The following MARCHF1 variants were observed in gnomAD, a reference collection of about 807,000 sequenced individuals.
The protein encoded by MARCHF1 is membrane associated ring-CH-type finger 1, also known as E3 ubiquitin-protein ligase MARCHF1.
In MARCHF1, 40 loss-of-function variants were observed where a neutral mutation model predicts 54.2. That is an observed-to-expected ratio of 0.74 (90% CI 0.57 to 0.96). MARCHF1 has a LOEUF of 0.96. Ranked by LOEUF, MARCHF1 falls within the 40% of genes least tolerant of loss-of-function variation. The pLI, the probability that MARCHF1 is intolerant of heterozygous loss-of-function variation, is 0.00. For missense variants in MARCHF1, 586 were observed against 656.5 expected, an observed-to-expected ratio of 0.89 and a Z score of 1.17; for synonymous variants, 236 against 236.3, an observed-to-expected ratio of 1.00 and a Z score of 0.01.
Position 163,721,993 on chromosome 4 carries a change from T to C in MARCHF1, c.112-21130A>G, listed in dbSNP as rs142016730. ...TTCAAAAAACCAGTTCCTGGATTCA[T>C]TGATTTTTTGAAGGTGTTTTTGTGT... On this transcript the variant is annotated intron_variant, in intron 4 of 9. Transcript: ENST00000514618. 7.6e-3 allele frequency among the ~76,000 whole-genome samples: 1,154 copies of C among 152,236 alleles called. 8 individuals are homozygous for C. The highest frequency in any genetic ancestry group is 0.022 in the South Asian group (104 of 4,830).
At chr4:163,892,510 T>C (rs1750682211) in intron 3 of MARCHF1, among the ~76,000 whole-genome samples, 1 of 151,420 alleles carries the variant, frequency 6.6e-6, no homozygotes, top group South Asian at 2.1e-4. Flanking sequence ...AGGTACTCAA[T>C]ACTCTGTCAC....
chr4:164,203,618 A>AAAAAC (rs1181673180), intron 1 of MARCHF1, among the ~76,000 whole-genome samples: 2 of 152,184 alleles, frequency 1.3e-5, no homozygotes, highest in African/African-American at 4.8e-5. Flanking sequence ...CCTGTGCCAA[A>AAAAAC]AAAACAAAAC....
At chr4:163,585,718 C>A in intron 8 of MARCHF1, 31 bp downstream of exon 8, 1 of 1,482,024 alleles carries the variant, frequency 6.7e-7, no homozygotes, top group Non-Finnish European at 9.0e-7. Context: ...GCAAATGGTC[C>A]CTCCCAAACC....
Position 164,076,570 on chromosome 4 carries a change from C to T in MARCHF1, c.-248+35018G>A, listed in dbSNP as rs550996116. On this transcript the variant is annotated intron_variant, in intron 2 of 9. Transcript: ENST00000514618. ...TCAGGCAAGAAAAATAAATAAAGGG[C>T]ATTCAAACAGGAAGAGAGGAAGTCA... 1.7e-3 allele frequency among the ~76,000 whole-genome samples: 257 copies of T among 152,218 alleles called. 1 individual carries two copies. The highest frequency in any genetic ancestry group is 2.5e-3 in the Non-Finnish European group (167 of 68,006).
chr4:163,603,324 T>A (rs201406130), intron 7 of MARCHF1, among the ~76,000 whole-genome samples: 1 of 71,778 alleles, frequency 1.4e-5, no homozygotes, highest in Non-Finnish European at 3.8e-5. Context: ...AATCTAAATG[T>A]TTTATGATAC....
At chr4:164,143,252 G>A (rs1756596961) in intron 1 of MARCHF1, among the ~76,000 whole-genome samples, 1 of 151,462 alleles carries the variant, frequency 6.6e-6, no homozygotes, top group Non-Finnish European at 1.5e-5. Flanking sequence ...CACTCTGCAG[G>A]ATATTATCCA....
chr4:163,612,311 C>G lies in MARCHF1; in HGVS notation c.970G>C (p.Ala324Pro), dbSNP rs748689710. ...QVNNPVQKPP[A>P]TYDDGSDNLE... ...TTATCAGACCCATCGTCATAGGTGG[C>G]AGGAGGCTTCTGAACAGGGTTATTC... Residue 324 changes from alanine to proline, a missense_variant, in exon 7 of 10, where the codon GCC becomes CCC. By Grantham distance (27) the Ala-to-Pro change is conservative. Transcript: ENST00000514618. The G allele has an allele frequency of 6.6e-7, 1 of 1,523,640 alleles. No individual in the cohort carries two copies. The highest frequency in any genetic ancestry group is 8.7e-7 in the Non-Finnish European group (1 of 1,143,002). The allele number at this position is 1,523,640 out of a possible 1,614,324, so 94.4% of individuals were successfully genotyped here.
intron 4 of MARCHF1, among the ~76,000 whole-genome samples, chr4:163,808,090 T>C (rs1748275612): frequency 6.6e-6 from 1 of 152,226 alleles, no homozygotes; most frequent in Admixed American, 6.5e-5. Context: ...ACACAATATT[T>C]TGAGAGAAAA....
intron 1 of MARCHF1, among the ~76,000 whole-genome samples, chr4:164,164,473 TAA>T (rs1026702306): frequency 2.6e-5 from 4 of 151,884 alleles, no homozygotes; most frequent in African/African-American, 7.2e-5. Flanking sequence ...ATATTATGAA[TAA>T]ATAAACATTC....
intron 3 of MARCHF1, among the ~76,000 whole-genome samples, chr4:163,913,907 TA>T (rs1751250113): frequency 6.6e-6 from 1 of 152,206 alleles, no homozygotes; most frequent in Admixed American, 6.6e-5. Flanking sequence ...TATGTGTCAT[TA>T]ACATTTGCAC....
intron 1 of MARCHF1, among the ~76,000 whole-genome samples, chr4:164,335,179 C>T (rs1729697768): frequency 6.6e-6 from 1 of 152,106 alleles, no homozygotes; most frequent in East Asian, 1.9e-4. Flanking sequence ...GGGTTGACTT[C>T]AATTTTGAAA....
intron 3 of MARCHF1, among the ~76,000 whole-genome samples, chr4:163,946,099 G>A (rs933946100): frequency 1.3e-5 from 2 of 151,998 alleles, no homozygotes; most frequent in African/African-American, 4.8e-5. Flanking sequence ...AAAAATATAT[G>A]GAAAATAATT....
At chr4:163,635,508 T>C (rs1742282673) in intron 5 of MARCHF1, among the ~76,000 whole-genome samples, 1 of 145,198 alleles carries the variant, frequency 6.9e-6, no homozygotes, top group South Asian at 2.3e-4. Context: ...AATGGATAAA[T>C]TCCTTGACAC....
chr4:164,319,668 G>C (rs1017472797), intron 1 of MARCHF1, among the ~76,000 whole-genome samples: 27 of 152,184 alleles, frequency 1.8e-4, no homozygotes, highest in African/African-American at 6.0e-4. Flanking sequence ...CTTTAGTTCA[G>C]ATAATTTATT....
intron 4 of MARCHF1, among the ~76,000 whole-genome samples, chr4:163,796,576 G>T (rs1747922293): frequency 1.3e-5 from 2 of 152,036 alleles, no homozygotes; most frequent in South Asian, 4.2e-4. Context: ...ACTTAAAAAA[G>T]CACAACACTA....
intron 1 of MARCHF1, among the ~76,000 whole-genome samples, chr4:164,169,481 A>C (rs1440842052): frequency 6.6e-6 from 1 of 152,070 alleles, no homozygotes; most frequent in Admixed American, 6.6e-5. Flanking sequence ...TATCCAAAAA[A>C]TCTTACATCA....
chr4:164,244,643 C>A (rs1732882386), intron 1 of MARCHF1, among the ~76,000 whole-genome samples: 1 of 149,548 alleles, frequency 6.7e-6, no homozygotes, highest in South Asian at 2.2e-4. Flanking sequence ...CACAAAAAAC[C>A]CTTCAAAAAA....
chr4:163,757,771 G>A (rs1746719813), intron 4 of MARCHF1, among the ~76,000 whole-genome samples: 1 of 152,052 alleles, frequency 6.6e-6, no homozygotes, highest in African/African-American at 2.4e-5. Flanking sequence ...ATATTTGTTT[G>A]ACTAAATGGC....
chr4:163,566,034 T>C (rs567169722), intron 8 of MARCHF1, among the ~76,000 whole-genome samples: 1 of 152,314 alleles, frequency 6.6e-6, no homozygotes, highest in Non-Finnish European at 1.5e-5. Flanking sequence ...AACATGCTTG[T>C]TTCCTTCCCC....
Sources: gnomAD v4.1 joint callset for allele counts (sites outside exome capture counted in the v4.1 genomes callset) on GRCh38, gnomAD v4.1.1 for gene constraint, MANE v1.5 for transcripts, NCBI Gene and HGNC (gene_info 2026-07-23, HGNC 2026-07-21) for gene names.